RFC1: variants seen among roughly 807,000 people sequenced by gnomAD.
RFC1 encodes replication factor C subunit 1, also known as A1 140 kDa subunit.
A neutral mutation model predicts 137.4 loss-of-function variants in RFC1; 37 were observed. That is an observed-to-expected ratio of 0.27 (90% CI 0.21 to 0.35). RFC1 has a LOEUF of 0.35. Among genes scored for constraint, RFC1 ranks in the 10% least tolerant of loss-of-function variants. The pLI is 1.00. For synonymous variants in RFC1, 429 were observed against 455.7 expected (o/e 0.94, Z 0.75); for missense variants, 1,205 against 1,358.5 (o/e 0.89, Z 1.78).
At chr4:39,326,687 A>C in intron 5 of RFC1, 47 bp from the exon 6 acceptor site, 1 of 1,479,362 alleles carries the variant, frequency 6.8e-7, no homozygotes. Context: ...ACCTTAAGTT[A>C]AAAATAAGGC....
chr4:39,330,774 G>C (rs563433229), intron 4 of RFC1, among the ~76,000 whole-genome samples: 1 of 152,122 alleles, frequency 6.6e-6, no homozygotes, highest in South Asian at 2.1e-4. Flanking sequence ...TCAATCTACC[G>C]TCAAGCTTTA....
chr4:39,317,630 T>C (rs1412650870), intron 9 of RFC1, among the ~76,000 whole-genome samples: 1 of 152,136 alleles, frequency 6.6e-6, no homozygotes, highest in African/African-American at 2.4e-5. Flanking sequence ...TCTCAGAAAA[T>C]CCTGGGGAAA....
At chr4:39,328,159 G>T (rs1245684759) in intron 4 of RFC1, among the ~76,000 whole-genome samples, 1 of 136,014 alleles carries the variant, frequency 7.4e-6, no homozygotes, top group Non-Finnish European at 1.7e-5. Flanking sequence ...AGAACTTAGA[G>T]ATGCTAATAA....
chr4:39,363,511 T>C (rs1197705589), intron 1 of RFC1, among the ~76,000 whole-genome samples: 1 of 152,242 alleles, frequency 6.6e-6, no homozygotes, highest in African/African-American at 2.4e-5. Context: ...GTACTTTATT[T>C]CTTTATTGAT....
rs977783270 is a variant in RFC1, at chr4:39,292,343, G to A, written c.2955-491C>T. On this transcript the variant is annotated intron_variant, in intron 22 of 24. Coordinates refer to ENST00000349703, the MANE Select transcript of RFC1 (RefSeq NM_002913.5). ...TGTTACTCTGAAATCGTCAGTTCTA[G>A]AGCCGGCTTTTCTCCAAATCTAAGA... 6.6e-5 allele frequency among the ~76,000 whole-genome samples: 10 copies of A among 152,066 alleles called. 1 individual carries two copies. Among genetic ancestry groups the A allele is most frequent in the Admixed American group, 6.5e-4 (10 of 15,268 alleles).
chr4:39,337,505 T>C (rs192307599), intron 4 of RFC1, among the ~76,000 whole-genome samples: 146 of 151,980 alleles, frequency 9.6e-4, no homozygotes, highest in African/African-American at 3.3e-3. Context: ...AAATTATTAA[T>C]TTAAATCTCT....
chr4:39,361,944 C>T (rs976852533), intron 1 of RFC1, among the ~76,000 whole-genome samples: 26 of 152,098 alleles, frequency 1.7e-4, no homozygotes, highest in African/African-American at 6.3e-4. Context: ...GAGGCTGAGG[C>T]CGGAGAATGG....
intron 3 of RFC1, among the ~76,000 whole-genome samples, chr4:39,344,750 A>C (rs1408493380): frequency 6.6e-6 from 1 of 152,192 alleles, no homozygotes; most frequent in African/African-American, 2.4e-5. Context: ...GCACCACTGC[A>C]CTCCAACCTG....
chr4:39,329,858 G>A (rs1266834264), intron 4 of RFC1, among the ~76,000 whole-genome samples: 1 of 152,098 alleles, frequency 6.6e-6, no homozygotes, highest in Non-Finnish European at 1.5e-5. Flanking sequence ...AACATGGTGA[G>A]AGCCCGTCTC....
At chr4:39,304,574 C>A (rs1370745264) in intron 15 of RFC1, among the ~76,000 whole-genome samples, 1 of 152,108 alleles carries the variant, frequency 6.6e-6, no homozygotes, top group Non-Finnish European at 1.5e-5. Flanking sequence ...CCTCTAAAAT[C>A]ATGAAAAACG....
intron 4 of RFC1, among the ~76,000 whole-genome samples, chr4:39,334,249 T>A (rs1740247279): frequency 6.6e-6 from 1 of 152,208 alleles, no homozygotes; most frequent in South Asian, 2.1e-4. Flanking sequence ...TGGTACCCTA[T>A]AAGCCACAGG....
rs373062092 is a variant in RFC1, at chr4:39,289,989, T to C, written c.3219A>G (p.Pro1073=). Residue 1073 remains proline (P), a synonymous_variant, in exon 24 of 25, where the codon CCA becomes CCG. Coordinates refer to ENST00000349703, the MANE Select transcript of RFC1 (RefSeq NM_002913.5). ...ATGCCTTTATAGCTTGAAGTGAGTA[T>C]GGAGTAAGGTGGGCTTCCTTATTGT... ...RAYNKEAHLT[P]YSLQAIKASR... 3.7e-6 allele frequency: 6 copies of C among 1,613,722 alleles called. No individual in the cohort carries two copies. Among genetic ancestry groups the C allele is most frequent in the African/African-American group, 1.3e-5 (1 of 74,896 alleles).
chr4:39,330,860 G>A (rs1010083204), intron 4 of RFC1, among the ~76,000 whole-genome samples: 3 of 151,866 alleles, frequency 2.0e-5, no homozygotes, highest in Non-Finnish European at 2.9e-5. Flanking sequence ...GTTCAACCAC[G>A]TTACAAAGAG....
At position 39,321,442 on chromosome 4, in the gene RFC1, T is replaced by TA; in HGVS notation, c.721-69dup. 3 of 1,450,220 alleles carry TA rather than the reference T, an allele frequency of 2.1e-6. No individual in the cohort carries two copies. The Admixed American group carries it at 5.9e-5, about 28-fold the overall frequency. 89.8% of individuals were successfully genotyped at this position (1,450,220 alleles called of 1,614,324 possible). Reference sequence around the variant, plus strand: ...AAACTATTACCATAAAATCTGTTGTTAAAATCCATCAAAATTTTAAGGGTC... The same window carrying TA: ...AAACTATTACCATAAAATCTGTTGTTAAAAATCCATCAAAATTTTAAGGGTC... On this transcript the variant is annotated intron_variant, in intron 7 of 24. Coordinates refer to ENST00000349703, the MANE Select transcript of RFC1 (RefSeq NM_002913.5).
At chr4:39,290,741 G>C (rs1476134149) in intron 23 of RFC1, among the ~76,000 whole-genome samples, 1 of 151,744 alleles carries the variant, frequency 6.6e-6, no homozygotes, top group Admixed American at 6.6e-5. Context: ...CTTGAACCCG[G>C]GAGGCAGAGG....
At chr4:39,307,735 C>CAAAAAA (rs5857671) in intron 13 of RFC1, among the ~76,000 whole-genome samples, 6 of 148,400 alleles carry the variant, frequency 4.0e-5, no homozygotes, top group Non-Finnish European at 3.0e-5. Flanking sequence ...CAAAACAAAA[C>CAAAAAA]AAAAAAAAAA....
Position 39,320,426 on chromosome 4 carries a change from G to C in RFC1, c.1052C>G (p.Thr351Arg). The change falls in exon 9 of 25, where the codon ACA becomes AGA. Residue 351 changes from threonine (T) to arginine (R), a missense_variant. Thr to Arg is a moderately conservative substitution (Grantham distance 71). Transcript: ENST00000349703. ...ACTTTTGGTTTTCTTAGGAGTTTTT[G>C]TCTCTCCTTTCAATTTAATGGCATT... The part of the protein sequence containing the change: ...KENAIKLKGE[T>R]KTPKKTKSSP... 1 of 1,516,574 alleles carries C rather than the reference G, an allele frequency of 6.6e-7. No homozygotes were observed. The highest frequency in any genetic ancestry group is 8.8e-7 in the Non-Finnish European group (1 of 1,140,756). 93.9% of individuals were successfully genotyped at this position (1,516,574 alleles called of 1,614,324 possible). A position where few individuals can be genotyped will look rare whatever the true frequency, so the allele number is the denominator to read the frequency against.
intron 3 of RFC1, among the ~76,000 whole-genome samples, chr4:39,344,648 G>A (rs974840771): frequency 6.6e-6 from 1 of 152,176 alleles, no homozygotes; most frequent in Admixed American, 6.5e-5. Flanking sequence ...TTAGCTAGAT[G>A]TGGTGCTGCA....
intron 4 of RFC1, among the ~76,000 whole-genome samples, chr4:39,337,595 C>A (rs552880794): frequency 2.0e-5 from 3 of 151,902 alleles, no homozygotes; most frequent in South Asian, 4.2e-4. Context: ...CAAGTATAAT[C>A]AAAAAAATAC....
Sources: allele counts gnomAD v4.1 joint callset (sites outside exome capture counted in the v4.1 genomes callset), GRCh38; gene constraint gnomAD v4.1.1; transcripts MANE v1.5; gene names NCBI Gene and HGNC (gene_info 2026-07-23, HGNC 2026-07-21).